The following BCOR variants were observed in gnomAD, a reference collection of about 807,000 sequenced individuals.
The protein encoded by BCOR is BCL6 corepressor, also known as BCL-6 corepressor.
In BCOR, 10 loss-of-function variants were observed where a neutral mutation model predicts 86.7. The ratio of observed to expected loss-of-function variants is 0.12; its 90% CI spans 0.07 to 0.20. BCOR has a LOEUF of 0.20. BCOR is among the 10% of genes least tolerant of loss of function. BCOR has a pLI of 1.00. For synonymous variants in BCOR, 611 were observed against 609.0 expected, an observed-to-expected ratio of 1.00 and a Z score of -0.05; for missense variants, 1,259 against 1,452.1, an observed-to-expected ratio of 0.87 and a Z score of 2.16.
At chrX:40,157,520 A>C (rs1328937330) in intron 1 of BCOR, among the ~76,000 whole-genome samples, 1 of 112,733 alleles carries the variant, frequency 8.9e-6, no homozygotes, top group Non-Finnish European at 1.9e-5. Flanking sequence ...CACCAAAACA[A>C]AACCAAAAAG....
At chrX:40,060,661 G>A (rs773563887) in intron 10 of BCOR, among the ~76,000 whole-genome samples, 25 of 112,379 alleles carry the variant, frequency 2.2e-4, no homozygotes, top group Non-Finnish European at 3.9e-4. Flanking sequence ...TGCCTGGCAC[G>A]CTGCATCTAC....
At chrX:40,126,781 A>G (rs970492406) in intron 1 of BCOR, among the ~76,000 whole-genome samples, 2 of 107,423 alleles carry the variant, frequency 1.9e-5, no homozygotes, top group Non-Finnish European at 3.9e-5. Flanking sequence ...CTTGAGCCTG[A>G]GAGGTGGAGG....
At chrX:40,105,487 C>G (rs1325640250) in intron 1 of BCOR, among the ~76,000 whole-genome samples, 1 of 112,227 alleles carries the variant, frequency 8.9e-6, no homozygotes, top group Non-Finnish European at 1.9e-5. Context: ...TGCGGTATCC[C>G]GGTGTAAGCC....
chrX:40,157,170 A>C (rs1262893552), intron 1 of BCOR, among the ~76,000 whole-genome samples: 1 of 112,858 alleles, frequency 8.9e-6, no homozygotes, highest in African/African-American at 3.2e-5. Flanking sequence ...AAGCACTCTG[A>C]AAAGTACCAA....
chrX:40,115,493 G>A (rs987759301), intron 1 of BCOR, among the ~76,000 whole-genome samples: 4 of 107,676 alleles, frequency 3.7e-5, no homozygotes, highest in South Asian at 4.1e-4. Flanking sequence ...GTGTGGGGCC[G>A]GCCTGGGCTC....
chrX:40,115,550 CG>C (rs1245748034), intron 1 of BCOR, among the ~76,000 whole-genome samples: 1 of 109,624 alleles, frequency 9.1e-6, no homozygotes, highest in Non-Finnish European at 1.9e-5. Flanking sequence ...TGGAAGTAGG[CG>C]GATCGCTTGA....
At chrX:40,124,807 G>A (rs1394064194) in intron 1 of BCOR, among the ~76,000 whole-genome samples, 1 of 110,406 alleles carries the variant, frequency 9.1e-6, no homozygotes, top group Non-Finnish European at 1.9e-5. Flanking sequence ...AAATTCCTGG[G>A]TTCAAGTGAT....
intron 1 of BCOR, among the ~76,000 whole-genome samples, chrX:40,096,193 G>A (rs1365417185): frequency 8.9e-6 from 1 of 112,109 alleles, no homozygotes; most frequent in East Asian, 2.8e-4. Flanking sequence ...CCCTCCGAGT[G>A]GGACCAACTT....
intron 1 of BCOR, among the ~76,000 whole-genome samples, chrX:40,115,568 G>C (rs912551236): frequency 1.8e-5 from 2 of 110,002 alleles, no homozygotes; most frequent in South Asian, 4.1e-4. Context: ...TTGAGGTCAG[G>C]AGTTCAAGAC....
intron 2 of BCOR, chrX:40,076,848 T>C (rs902671887): frequency 4.0e-5 from 13 of 327,011 alleles, no homozygotes; most frequent in Admixed American, 1.3e-4. Context: ...AGAGGCCAAG[T>C]AGGCCAATCG....
chrX:40,055,578 T>C (rs1934552550), intron 11 of BCOR, 65 bp from the exon 12 acceptor site: 4 of 1,170,461 alleles, frequency 3.4e-6, no homozygotes, highest in African/African-American at 1.8e-5. Flanking sequence ...AGCAGTTGTC[T>C]CCTTTAAAAG....
chrX:40,127,555 G>A (rs1246316653), intron 1 of BCOR, among the ~76,000 whole-genome samples: 2 of 111,792 alleles, frequency 1.8e-5, no homozygotes, highest in Non-Finnish European at 3.8e-5. Flanking sequence ...TACTCTAGAA[G>A]AGTTTCCATC....
chrX:40,172,542 G>A (rs1026089013), intron 1 of BCOR, among the ~76,000 whole-genome samples: 9 of 113,389 alleles, frequency 7.9e-5, no homozygotes, highest in African/African-American at 2.9e-4. Flanking sequence ...CTGCGCGCTT[G>A]GAAGCCGTGT....
Position 40,122,273 on chromosome X carries a change from C to T in BCOR, c.-40-44304G>A, listed in dbSNP as rs1021839122. On this transcript the variant is annotated intron_variant, in intron 1 of 14. Coordinates refer to the BCOR transcript ENST00000342274. ...TGTTGACGAAACAGGACTCCCAAACCCCTCACTCTGCAGATGAGGAAACTG... is the reference window on the plus strand; with the variant it reads ...TGTTGACGAAACAGGACTCCCAAACTCCTCACTCTGCAGATGAGGAAACTG... 1.7e-4 allele frequency among the ~76,000 whole-genome samples: 19 copies of T among 111,214 alleles called. 1 individual carries two copies. The highest frequency in any genetic ancestry group is 1.1e-3 in the Admixed American group (12 of 10,491).
intron 1 of BCOR, among the ~76,000 whole-genome samples, chrX:40,117,984 AC>A (rs1346193569): frequency 2.1e-3 from 94 of 43,810 alleles, no homozygotes; most frequent in African/African-American, 9.1e-3. Context: ...CTCTCTCTCC[AC>A]CCCCCCCACC....
chrX:40,092,068 G>C (rs1936643490), intron 1 of BCOR, among the ~76,000 whole-genome samples: 1 of 112,534 alleles, frequency 8.9e-6, no homozygotes, highest in Non-Finnish European at 1.9e-5. Context: ...TCGGGCCGGA[G>C]GGAGAAGGGT....
At chrX:40,143,046 G>T (rs773928845) in intron 1 of BCOR, among the ~76,000 whole-genome samples, 239 of 112,437 alleles carry the variant, frequency 2.1e-3, no homozygotes, top group Middle Eastern at 4.7e-3. Context: ...GGTAAATGAC[G>T]AGCTGAGCTG....
At chrX:40,101,569 G>A (rs1937075002), upstream of BCOR, among the ~76,000 whole-genome samples, 1 of 112,551 alleles carries the variant, frequency 8.9e-6, no homozygotes, top group Non-Finnish European at 1.9e-5. Flanking sequence ...CTGGGCAATC[G>A]AGCTGGCCCT....
intron 1 of BCOR, among the ~76,000 whole-genome samples, chrX:40,150,984 G>A (rs1180097944): frequency 8.9e-6 from 1 of 112,014 alleles, no homozygotes; most frequent in Non-Finnish European, 1.9e-5. Context: ...GCACAGATGT[G>A]TGGTTAAGGC....
Sources: allele counts gnomAD v4.1 joint callset (sites outside exome capture counted in the v4.1 genomes callset), GRCh38; gene constraint gnomAD v4.1.1; transcripts MANE v1.5; gene names NCBI Gene and HGNC (gene_info 2026-07-23, HGNC 2026-07-21).